ALDH1A2: variants seen among roughly 807,000 people sequenced by gnomAD.
The protein encoded by ALDH1A2 is aldehyde dehydrogenase 1 family member A2.
In ALDH1A2, 27 loss-of-function variants were observed where a neutral mutation model predicts 60.3. The ratio of observed to expected loss-of-function variants is 0.45; its 90% CI spans 0.33 to 0.62. The LOEUF (loss-of-function observed/expected upper bound fraction) is 0.62. Ranked by LOEUF, ALDH1A2 falls within the 20% of genes least tolerant of loss-of-function variation. ALDH1A2 has a pLI of 0.02. For missense variants in ALDH1A2, 581 were observed against 643.8 expected (o/e 0.90, Z 1.06); for synonymous variants, 289 against 232.4 (o/e 1.24, Z -2.21).
intron 7 of ALDH1A2, among the ~76,000 whole-genome samples, chr15:57,969,823 G>A (rs1256573528): frequency 1.3e-5 from 2 of 152,192 alleles, no homozygotes; most frequent in Non-Finnish European, 2.9e-5. Flanking sequence ...ACGTACTCGT[G>A]TGATACCTCC....
intron 1 of ALDH1A2, among the ~76,000 whole-genome samples, chr15:58,041,066 A>T (rs1017536125): frequency 1.3e-5 from 2 of 151,928 alleles, no homozygotes; most frequent in Non-Finnish European, 2.9e-5. Context: ...ATGACCTTCA[A>T]GTGGCCATCT....
intron 1 of ALDH1A2, among the ~76,000 whole-genome samples, chr15:58,051,823 T>C (rs1595692237): frequency 6.6e-6 from 1 of 152,166 alleles, no homozygotes; most frequent in African/African-American, 2.4e-5. Context: ...GCTAAGTCTC[T>C]ATTAGACTCA....
rs775570769 is a variant in ALDH1A2, at chr15:57,963,893, C to A, written c.1078G>T (p.Gly360Cys). 10 of 1,613,972 alleles carry A rather than the reference C, an allele frequency of 6.2e-6. No individual in the cohort carries two copies. Among genetic ancestry groups the A allele is most frequent in the African/African-American group, 1.3e-5 (1 of 74,906 alleles). Reference sequence around the variant, plus strand: ...GGTTATGATTTTTCTACCTGGGGACCCTGCTCAGTGGTGGGGTCAAAGGGA... The same window carrying A: ...GGTTATGATTTTTCTACCTGGGGACACTGCTCAGTGGTGGGGTCAAAGGGA... Reference protein sequence around the residue: ...GSPFDPTTEQGPQIDKKQYNK... With the variant: ...GSPFDPTTEQCPQIDKKQYNK... The change falls in exon 9 of 13, where the codon GGT becomes TGT. Residue 360 changes from glycine (G) to cysteine (C), a missense_variant. Gly to Cys is a radical substitution (Grantham distance 159). Transcript: ENST00000249750.
chr15:57,965,147 T>G (rs894340), intron 8 of ALDH1A2, among the ~76,000 whole-genome samples: 148,120 of 152,232 alleles, frequency 0.97, 72,208 homozygotes, highest in East Asian at 1. Flanking sequence ...CTCAGTTACT[T>G]CTCTAAGCCT....
At chr15:57,961,027 A>G (rs1893699731) in intron 11 of ALDH1A2, 110 bp downstream of exon 11, 10 of 1,475,724 alleles carry the variant, frequency 6.8e-6, no homozygotes, top group Non-Finnish European at 9.4e-6. Flanking sequence ...TTTTCTGGTG[A>G]ACTTTGGTTG....
At chr15:58,065,025 G>T (rs1319897424) in intron 1 of ALDH1A2, among the ~76,000 whole-genome samples, 1 of 152,216 alleles carries the variant, frequency 6.6e-6, no homozygotes, top group East Asian at 1.9e-4. Context: ...TGTCAAACCG[G>T]CCAGAGCGCT....
chr15:57,976,538 G>C (rs1894264920), intron 7 of ALDH1A2, among the ~76,000 whole-genome samples: 1 of 152,142 alleles, frequency 6.6e-6, no homozygotes, highest in Non-Finnish European at 1.5e-5. Context: ...GTTTGTGTTA[G>C]TTTGCTGAGA....
Position 58,061,379 on chromosome 15 carries a change from A to C in ALDH1A2, c.117+4155T>G, listed in dbSNP as rs1359862528. ...TAAAGGTTTGGAAGGATCTAGATCC[A>C]CACCTATCTTTTAAGAAATTATTCC... is the stretch of plus-strand genomic sequence containing the variant. On this transcript the variant is annotated intron_variant, in intron 1 of 12. Coordinates refer to ENST00000249750, the MANE Select transcript of ALDH1A2 (RefSeq NM_003888.4). 3.3e-5 allele frequency among the ~76,000 whole-genome samples: 5 copies of C among 152,086 alleles called. No homozygotes were observed. In the East Asian group the frequency reaches 9.6e-4, roughly 29 times the overall value.
At chr15:58,065,448 C>CA in intron 1 of ALDH1A2, 86 bp downstream of exon 1, 1 of 1,192,522 alleles carries the variant, frequency 8.4e-7, no homozygotes, top group Non-Finnish European at 1.3e-6. Context: ...CCCCGTCCCG[C>CA]AGCCCTCACC....
chr15:57,998,736 T>G (rs560648552), intron 4 of ALDH1A2, among the ~76,000 whole-genome samples: 2 of 152,212 alleles, frequency 1.3e-5, no homozygotes, highest in African/African-American at 4.8e-5. Context: ...AGAGCCCATA[T>G]AGCCAAGACA....
intron 1 of ALDH1A2, among the ~76,000 whole-genome samples, chr15:58,021,369 T>A (rs540850377): frequency 1.3e-5 from 2 of 152,044 alleles, no homozygotes; most frequent in Non-Finnish European, 2.9e-5. Context: ...GCACCAAAAG[T>A]AAGAAAAGAG....
chr15:58,049,815 T>C (rs1203710231), intron 1 of ALDH1A2, among the ~76,000 whole-genome samples: 1 of 152,034 alleles, frequency 6.6e-6, no homozygotes. Context: ...TCAAGAGAAA[T>C]GGCTTTTATG....
intron 1 of ALDH1A2, among the ~76,000 whole-genome samples, chr15:58,017,860 A>G (rs2140523172): frequency 6.6e-6 from 1 of 152,312 alleles, no homozygotes; most frequent in African/African-American, 2.4e-5. Flanking sequence ...GGTAAATGTG[A>G]TGGCTATTTT....
At position 58,010,703 on chromosome 15, in the gene ALDH1A2, A is replaced by G. The variant is rs2140514358; in HGVS notation, c.439T>C (p.Phe147Leu). 6.2e-7 allele frequency: 1 copy of G among 1,613,624 alleles called. No homozygotes were observed. Among genetic ancestry groups the G allele is most frequent in the Non-Finnish European group, 8.5e-7 (1 of 1,179,614 alleles). ...TCAGCCCAGCCTGCGTAATATCGAA[A>G]GGTTTTGATGACGCCCTGCAAATCC... ...YVDLQGVIKT[F>L]RYYAGWADKI... The change falls in exon 4 of 13, where the codon TTT (phenylalanine) becomes CTT (leucine). Residue 147 changes from phenylalanine (F) to leucine (L), a missense_variant. Phe to Leu is a conservative substitution (Grantham distance 22). Transcript: ENST00000249750.
chr15:58,002,364 C>A (rs1402631322), intron 4 of ALDH1A2, among the ~76,000 whole-genome samples: 13 of 151,842 alleles, frequency 8.6e-5, no homozygotes, highest in Non-Finnish European at 1.6e-4. Flanking sequence ...TATCAAACTA[C>A]ACAGAAGAGA....
At chr15:58,001,065 C>G (rs548347463) in intron 4 of ALDH1A2, among the ~76,000 whole-genome samples, 1 of 111,576 alleles carries the variant, frequency 9.0e-6, no homozygotes, top group South Asian at 3.1e-4. Flanking sequence ...AATGAAAACA[C>G]TATTAGAATT....
intron 1 of ALDH1A2, among the ~76,000 whole-genome samples, chr15:58,063,079 C>G (rs1338626284): frequency 1.3e-5 from 2 of 152,150 alleles, no homozygotes; most frequent in Non-Finnish European, 2.9e-5. Flanking sequence ...AATACAAGAT[C>G]ACAAGTACAA....
chr15:58,058,357 C>T (rs961779870), intron 1 of ALDH1A2, among the ~76,000 whole-genome samples: 3 of 151,338 alleles, frequency 2.0e-5, no homozygotes, highest in South Asian at 2.1e-4. Context: ...CACAATATTT[C>T]GCCAGATTCA....
intron 7 of ALDH1A2, among the ~76,000 whole-genome samples, chr15:57,971,083 T>A (rs906880026): frequency 6.6e-6 from 1 of 152,190 alleles, no homozygotes; most frequent in Non-Finnish European, 1.5e-5. Flanking sequence ...AAGGCCAGTA[T>A]AACCACTATG....
Sources: allele counts gnomAD v4.1 joint callset (sites outside exome capture counted in the v4.1 genomes callset), GRCh38; gene constraint gnomAD v4.1.1; transcripts MANE v1.5; gene names NCBI Gene and HGNC (gene_info 2026-07-23, HGNC 2026-07-21).